ECPAS: variants seen among roughly 807,000 people sequenced by gnomAD.
ECPAS encodes the protein proteasome adapter and scaffold protein ECM29.
ECPAS carries 70 observed loss-of-function variants against 255.1 expected under a neutral mutation model. That is an observed-to-expected ratio of 0.27 (90% confidence interval 0.23 to 0.33). ECPAS has a LOEUF of 0.33. Ranked by LOEUF, ECPAS falls within the 10% of genes least tolerant of loss-of-function variation. The pLI is 1.00. For missense variants in ECPAS, 1,817 were observed against 2,206.4 expected, an observed-to-expected ratio of 0.82 and a Z score of 3.54; for synonymous variants, 784 against 775.0, an observed-to-expected ratio of 1.01 and a Z score of -0.19.
In ECPAS at chr9:111,373,220, C is replaced by A. The variant is rs1158129805; in HGVS notation, c.4286G>T (p.Ser1429Ile). 6.2e-7 allele frequency: 1 copy of A among 1,613,656 alleles called. No individual in the cohort carries two copies. The highest frequency in any genetic ancestry group is 8.5e-7 in the Non-Finnish European group (1 of 1,179,748). The change falls in exon 41 of 50, where the codon AGC (serine) becomes ATC (isoleucine). Residue 1429 changes from serine to isoleucine, a missense_variant. Coordinates refer to ENST00000684092, the MANE Select transcript of ECPAS (RefSeq NM_001364929.1). ...GHLVRTSRDS[S>I]TEKLLQKLNG... ...GAGCTTCTGCAGGAGTTTTTCAGTG[C>A]TGCTATCCCGTGAGGTCTGAAAAAG...
At position 111,383,345 on chromosome 9, in the gene ECPAS, G is replaced by A. The variant is rs753915908; in HGVS notation, c.3682-13C>T. The A allele has an allele frequency of 1.2e-5, 19 of 1,601,630 alleles. No individual in the cohort carries two copies. The South Asian group carries it at 1.9e-4, about 16-fold the overall frequency. On this transcript the variant is annotated splice_polypyrimidine_tract_variant and intron_variant, in intron 34 of 49. Coordinates refer to ENST00000684092, the MANE Select transcript of ECPAS (RefSeq NM_001364929.1). Reference sequence around the variant, plus strand: ...TTTTCACACAGACCTCACATACAAAGAGCATGGACGTTAGTGAAAGTGACC... The same window carrying A: ...TTTTCACACAGACCTCACATACAAAAAGCATGGACGTTAGTGAAAGTGACC...
intron 2 of ECPAS, among the ~76,000 whole-genome samples, chr9:111,460,911 T>C (rs1013916774): frequency 3.9e-5 from 6 of 152,104 alleles, no homozygotes; most frequent in South Asian, 2.1e-4. Context: ...TGGGTAACAC[T>C]AAAAAGCTGA....
chr9:111,466,122 T>C (rs1489213847), intron 2 of ECPAS, among the ~76,000 whole-genome samples: 1 of 151,852 alleles, frequency 6.6e-6, no homozygotes, highest in Non-Finnish European at 1.5e-5. Context: ...TCACAGAACT[T>C]TGAAGCTTGA....
chr9:111,476,430 A>C (rs909925011), intron 1 of ECPAS, among the ~76,000 whole-genome samples: 2 of 152,188 alleles, frequency 1.3e-5, no homozygotes, highest in African/African-American at 4.8e-5. Context: ...AATCACTCTA[A>C]GCATAAGGAA....
At chr9:111,390,425 A>G (rs1442187781) in intron 29 of ECPAS, among the ~76,000 whole-genome samples, 1 of 152,212 alleles carries the variant, frequency 6.6e-6, no homozygotes, top group East Asian at 1.9e-4. Context: ...TCACGTGATC[A>G]TAAGAGAGTC....
In ECPAS at chr9:111,361,407, AC is replaced by A. The variant is rs1391758912; in HGVS notation, c.*622del. 2 of 152,224 alleles carry A rather than the reference AC, an allele frequency of 1.3e-5. No homozygotes were observed. Among genetic ancestry groups the A allele is most frequent in the African/African-American group, 4.8e-5 (2 of 41,456 alleles). 9.4% of individuals were successfully genotyped at this position (152,224 alleles called of 1,614,324 possible). A position where few individuals can be genotyped will look rare whatever the true frequency, so the allele number is the denominator to read the frequency against. Reference sequence around the variant, plus strand: ...AATGTTTAGCTTCTGGCTTTCAGAAACCCAATGGTAAGGGTCAGTTTAGTTC... The same window carrying A: ...AATGTTTAGCTTCTGGCTTTCAGAAACCAATGGTAAGGGTCAGTTTAGTTC... On this transcript the variant is annotated 3_prime_UTR_variant, in exon 50 of 50. Transcript: ENST00000684092.
At chr9:111,419,626 A>C (rs2098210043) in intron 16 of ECPAS, among the ~76,000 whole-genome samples, 1 of 151,752 alleles carries the variant, frequency 6.6e-6, no homozygotes, top group South Asian at 2.1e-4. Context: ...ATAAAATATT[A>C]ATACATATGT....
intron 17 of ECPAS, 43 bp downstream of exon 17, chr9:111,417,840 T>G (rs1399906834): frequency 6.8e-7 from 1 of 1,479,958 alleles, no homozygotes; most frequent in Non-Finnish European, 9.0e-7. Flanking sequence ...ATTTTCATCA[T>G]CCATTATGAT....
chr9:111,384,155 G>C (rs1331144502), intron 34 of ECPAS, among the ~76,000 whole-genome samples: 1 of 152,120 alleles, frequency 6.6e-6, no homozygotes, highest in East Asian at 1.9e-4. Context: ...AAGTTCAAGT[G>C]GGAGATAATT....
intron 35 of ECPAS, among the ~76,000 whole-genome samples, chr9:111,379,142 C>A (rs2098137350): frequency 2.0e-5 from 3 of 152,192 alleles, no homozygotes; most frequent in Admixed American, 2.0e-4. Flanking sequence ...CTATTCCCCC[C>A]TGCCACTGTA....
At chr9:111,397,777 AAG>A (rs1318583141) in intron 24 of ECPAS, among the ~76,000 whole-genome samples, 5 of 152,226 alleles carry the variant, frequency 3.3e-5, no homozygotes, top group African/African-American at 4.8e-5. Flanking sequence ...GCTCAGAAAA[AAG>A]AGAATAATAA....
At chr9:111,467,970 T>A (rs971097509) in intron 2 of ECPAS, among the ~76,000 whole-genome samples, 2 of 152,040 alleles carry the variant, frequency 1.3e-5, no homozygotes, top group Admixed American at 1.3e-4. Context: ...CTGACCAATA[T>A]GATGAAACCC....
chr9:111,458,855 G>C (rs2098269981), intron 2 of ECPAS, among the ~76,000 whole-genome samples: 1 of 152,174 alleles, frequency 6.6e-6, no homozygotes, highest in Non-Finnish European at 1.5e-5. Flanking sequence ...CTCAGGCCTT[G>C]CCCTACATGT....
chr9:111,451,121 G>C (rs1056274408), intron 3 of ECPAS, among the ~76,000 whole-genome samples: 1 of 152,098 alleles, frequency 6.6e-6, no homozygotes, highest in Non-Finnish European at 1.5e-5. Flanking sequence ...ATTACCACAT[G>C]CCTTTCATAT....
intron 2 of ECPAS, among the ~76,000 whole-genome samples, chr9:111,460,512 C>T (rs1258852267): frequency 6.6e-6 from 1 of 151,902 alleles, no homozygotes; most frequent in Non-Finnish European, 1.5e-5. Context: ...AAATAAAATG[C>T]ATTAAGATTA....
In ECPAS at chr9:111,418,021, C is replaced by T. The variant is rs1259032382; in HGVS notation, c.1560-15G>A. ...CTTCTTCACGTCTTTCAGAAAAAGACAAATAAGAATAAAAAATAAATGTCA... is the reference window on the plus strand; with the variant it reads ...CTTCTTCACGTCTTTCAGAAAAAGATAAATAAGAATAAAAAATAAATGTCA... On this transcript the variant is annotated splice_polypyrimidine_tract_variant and intron_variant, in intron 16 of 49. Transcript: ENST00000684092. 2 of 1,561,690 alleles carry T rather than the reference C, an allele frequency of 1.3e-6. No individual in the cohort carries two copies. Among genetic ancestry groups the T allele is most frequent in the South Asian group, 2.5e-5 (2 of 81,044 alleles).
chr9:111,423,086 A>C lies in ECPAS; in HGVS notation c.1265+113T>G, dbSNP rs1589175680. On this transcript the variant is annotated intron_variant, in intron 13 of 49. Coordinates refer to ENST00000684092, the MANE Select transcript of ECPAS (RefSeq NM_001364929.1). ...ATTTCTAAACAACCTATGACCATTA[A>C]ATACATTCCCTTTCAGAATCACGAC... The C allele has an allele frequency of 8.0e-6, 6 of 748,218 alleles. No individual in the cohort carries two copies. In the East Asian group the frequency reaches 1.3e-4, roughly 17 times the overall value. 46.3% of individuals were successfully genotyped at this position (748,218 alleles called of 1,614,324 possible).
chr9:111,416,532 A>T (rs2297529), intron 17 of ECPAS, among the ~76,000 whole-genome samples, 180 bp from the exon 18 acceptor site: 109,960 of 152,156 alleles, frequency 0.72, 40,709 homozygotes, highest in African/African-American at 0.89. Context: ...ACACACTAAA[A>T]GACAAGTGTA....
chr9:111,420,461 T>C (rs780731156), intron 15 of ECPAS, among the ~76,000 whole-genome samples: 1 of 152,050 alleles, frequency 6.6e-6, no homozygotes, highest in African/African-American at 2.4e-5. Context: ...ACTGTGACAG[T>C]TTCTAGCCAT....
Sources: allele counts gnomAD v4.1 joint callset (sites outside exome capture counted in the v4.1 genomes callset), GRCh38; gene constraint gnomAD v4.1.1; transcripts MANE v1.5; gene names NCBI Gene and HGNC (gene_info 2026-07-23, HGNC 2026-07-21).